Variants in AKR1C3 observed in about 807,000 individuals in gnomAD.
AKR1C3 encodes the protein 3-alpha hydroxysteroid dehydrogenase, type II.
A neutral mutation model predicts 43.6 loss-of-function variants in AKR1C3; 48 were observed. The ratio of observed to expected loss-of-function variants is 1.10; its 90% confidence interval spans 0.87 to 1.40. AKR1C3 has a LOEUF of 1.40. Among genes scored for constraint, AKR1C3 ranks in the 40% most tolerant of loss-of-function variants. AKR1C3 has a pLI of 0.00. For synonymous variants in AKR1C3, 162 were observed against 139.6 expected (o/e 1.16, Z -1.13); for missense variants, 482 against 391.2 (o/e 1.23, Z -1.96).
rs782758217 is a variant in AKR1C3 at position 5,102,207 on chromosome 10, G to A, written c.677G>A (p.Arg226Gln). ...GCTCTGGGATCTCAACGAGACAAAC[G>A]ATGGTAATAAAAACAATGGGACCTT... ...YSALGSQRDK[R>Q]WVDPNSPVLL... The change falls in exon 6 of 9, where the codon CGA (arginine) becomes CAA (glutamine). Residue 226 changes from arginine (R) to glutamine (Q), a missense_variant. Coordinates refer to ENST00000380554, the MANE Select transcript of AKR1C3 (RefSeq NM_003739.6). 9.9e-6 allele frequency: 16 copies of A among 1,611,870 alleles called. No homozygotes were observed. The highest frequency in any genetic ancestry group is 3.3e-4 in the Middle Eastern group (2 of 6,074).
At chr10:5,089,243 T>G (rs1839034796) in intron 1 of AKR1C3, among the ~76,000 whole-genome samples, 1 of 152,176 alleles carries the variant, frequency 6.6e-6, no homozygotes, top group Non-Finnish European at 1.5e-5. Flanking sequence ...TTTAGCATAG[T>G]ATCTTTCAGG....
intron 7 of AKR1C3, 143 bp downstream of exon 7, chr10:5,102,793 T>A: frequency 1.4e-6 from 2 of 1,473,558 alleles, no homozygotes; most frequent in Non-Finnish European, 1.8e-6. Flanking sequence ...TCCTGAGGGT[T>A]TCTTCTACTC....
Position 5,088,893 on chromosome 10 carries a change from G to A in AKR1C3, c.85-7517G>A, listed in dbSNP as rs139211410. Among the ~76,000 whole-genome samples the A allele has an allele frequency of 3.9e-3, 592 of 152,036 alleles. 11 individuals carry two copies. Among genetic ancestry groups the A allele is most frequent in the African/African-American group, 0.014 (563 of 41,504 alleles). On this transcript the variant is annotated intron_variant, in intron 1 of 8. Coordinates refer to the AKR1C3 transcript ENST00000439082. ...GACTCAATTGTGCAATTACTGTATA[G>A]TAATTATGACCTGTGTACTTCATGT...
intron 8 of AKR1C3, among the ~76,000 whole-genome samples, chr10:5,106,588 T>C (rs1554787309): frequency 6.6e-6 from 1 of 151,978 alleles, no homozygotes; most frequent in Admixed American, 6.6e-5. Context: ...CTGTCTCTAC[T>C]AAAAATATAA....
Position 5,089,350 on chromosome 10 carries a change from A to G in AKR1C3, c.85-7060A>G, listed in dbSNP as rs540389755. 6.6e-4 allele frequency among the ~76,000 whole-genome samples: 88 copies of G among 133,446 alleles called. 3 individuals carry two copies. In the South Asian group the frequency reaches 0.018, roughly 28 times the overall value. The allele number at this position is 133,446 out of a possible 152,430, so 87.5% of individuals were successfully genotyped here. Reference sequence around the variant, plus strand: ...TTCTACTATGTTTTTCAAACTTCTTACTTCTCTTCATCTTCCTTAGAAATG... The same window carrying G: ...TTCTACTATGTTTTTCAAACTTCTTGCTTCTCTTCATCTTCCTTAGAAATG... On this transcript the variant is annotated intron_variant, in intron 1 of 8. Transcript: ENST00000439082.
chr10:5,061,600 TA>T (rs1329800705), intron 1 of AKR1C3, among the ~76,000 whole-genome samples: 17 of 152,136 alleles, frequency 1.1e-4, no homozygotes, highest in African/African-American at 4.1e-4. Flanking sequence ...ATGTTGTGCA[TA>T]AAAGGAAACT....
At chr10:5,049,360 A>C (rs192052952) in intron 1 of AKR1C3, among the ~76,000 whole-genome samples, 6 of 152,280 alleles carry the variant, frequency 3.9e-5, no homozygotes, top group Non-Finnish European at 5.9e-5. Context: ...CACTGTTCTG[A>C]TATGCGGCCT....
intron 1 of AKR1C3, among the ~76,000 whole-genome samples, chr10:5,074,258 T>C (rs1462115104): frequency 6.6e-6 from 1 of 152,210 alleles, no homozygotes; most frequent in Non-Finnish European, 1.5e-5. Context: ...CCTGAGGGTG[T>C]GTCATGGTCA....
chr10:5,106,798 T>G (rs1839511742), intron 8 of AKR1C3, among the ~76,000 whole-genome samples: 1 of 151,726 alleles, frequency 6.6e-6, no homozygotes, highest in Non-Finnish European at 1.5e-5. Flanking sequence ...CAGTGGAAAT[T>G]TTAACAAGTG....
intron 1 of AKR1C3, among the ~76,000 whole-genome samples, chr10:5,056,321 AG>A (rs1554779578): frequency 6.6e-6 from 1 of 152,166 alleles, no homozygotes; most frequent in African/African-American, 2.4e-5. Flanking sequence ...GGCATCCTTG[AG>A]GTCCAGAACC....
At chr10:5,105,539 C>A in intron 7 of AKR1C3, 56 bp from the exon 8 acceptor site, 1 of 1,315,772 alleles carries the variant, frequency 7.6e-7, no homozygotes, top group African/African-American at 1.5e-5. Flanking sequence ...GTCTAATATA[C>A]TTGGGGATTC....
In AKR1C3 at chr10:5,102,571, C is replaced by T. The variant is rs1554786269; in HGVS notation, c.767C>T (p.Ala256Val). 1 of 1,560,552 alleles carries T rather than the reference C, an allele frequency of 6.4e-7. No individual in the cohort carries two copies. Among genetic ancestry groups the T allele is most frequent in the Non-Finnish European group, 8.7e-7 (1 of 1,150,210 alleles). ...CACAAGCGAACCCCAGCCCTGATTG[C>T]CCTGCGCTACCAGCTGCAGCGTGGG... Reference protein sequence around the residue: ...KKHKRTPALIALRYQLQRGVV... With the variant: ...KKHKRTPALIVLRYQLQRGVV... The change falls in exon 7 of 9, where the codon GCC becomes GTC. Residue 256 changes from alanine to valine, a missense_variant. Physicochemically the swap from Ala to Val is moderately conservative, Grantham distance 64. Transcript: ENST00000380554.
chr10:5,085,214 G>A (rs1181920192), intron 1 of AKR1C3, among the ~76,000 whole-genome samples: 3 of 151,960 alleles, frequency 2.0e-5, no homozygotes, highest in Non-Finnish European at 2.9e-5. Context: ...CTGTGGGTTT[G>A]TCATAGATAG....
intron 1 of AKR1C3, among the ~76,000 whole-genome samples, chr10:5,078,625 A>T (rs1554782068): frequency 6.6e-6 from 1 of 152,226 alleles, no homozygotes; most frequent in Non-Finnish European, 1.5e-5. Flanking sequence ...TTTTCTCTCC[A>T]GTCCGACATA....
intron 4 of AKR1C3, 70 bp downstream of exon 4, chr10:5,098,949 G>A: frequency 8.0e-7 from 1 of 1,246,512 alleles, no homozygotes; most frequent in Non-Finnish European, 1.1e-6. Flanking sequence ...AGGTTCAATA[G>A]GAAAGAATGG....
At chr10:5,065,739 G>T (rs1323973173) in intron 1 of AKR1C3, among the ~76,000 whole-genome samples, 2 of 152,164 alleles carry the variant, frequency 1.3e-5, no homozygotes, top group Non-Finnish European at 2.9e-5. Context: ...AAGTCACTTA[G>T]TGTACACCCT....
intron 1 of AKR1C3, among the ~76,000 whole-genome samples, chr10:5,056,570 C>A (rs1432102906): frequency 1.3e-5 from 2 of 152,136 alleles, no homozygotes; most frequent in Non-Finnish European, 2.9e-5. Flanking sequence ...AGCTTCAGGC[C>A]TTAAGGGATA....
At chr10:5,051,857 T>C (rs1554778961) in intron 1 of AKR1C3, among the ~76,000 whole-genome samples, 3 of 152,252 alleles carry the variant, frequency 2.0e-5, no homozygotes, top group African/African-American at 2.4e-5. Flanking sequence ...TTCTTTGAAA[T>C]AATTCAGTGC....
intron 3 of AKR1C3, chr10:5,098,251 C>G (rs140986490): frequency 2.1e-6 from 2 of 934,048 alleles, no homozygotes; most frequent in African/African-American, 3.6e-5. Context: ...TCTCTAAACT[C>G]CAACACTTTT....
Sources: gnomAD v4.1 joint callset for allele counts (sites outside exome capture counted in the v4.1 genomes callset) on GRCh38, gnomAD v4.1.1 for gene constraint, MANE v1.5 for transcripts, NCBI Gene and HGNC (gene_info 2026-07-23, HGNC 2026-07-21) for gene names.